The following GABRB1 variants were observed in gnomAD, a reference collection of about 807,000 sequenced individuals.
The protein encoded by GABRB1 is gamma-aminobutyric acid receptor subunit beta-1.
A neutral mutation model predicts 51.6 loss-of-function variants in GABRB1; 17 were observed. The ratio of observed to expected loss-of-function variants is 0.33; its 90% CI spans 0.23 to 0.49. GABRB1 has a LOEUF of 0.49. Among genes scored for constraint, GABRB1 ranks in the 20% least tolerant of loss-of-function variants. The pLI is 0.99. For missense variants in GABRB1, 410 were observed against 600.6 expected (o/e 0.68, Z 3.32); for synonymous variants, 247 against 218.9 (o/e 1.13, Z -1.14).
chr4:47,404,058 A>G (rs1728487327), intron 7 of GABRB1, among the ~76,000 whole-genome samples: 1 of 152,192 alleles, frequency 6.6e-6, no homozygotes, highest in South Asian at 2.1e-4. Context: ...AAGAACATAT[A>G]CAATGCACTA....
intron 1 of GABRB1, among the ~76,000 whole-genome samples, chr4:46,998,284 TA>T (rs995527832): frequency 1.5e-4 from 23 of 152,324 alleles, no homozygotes; most frequent in African/African-American, 2.4e-4. Flanking sequence ...GATTATTAAT[TA>T]TTTTTTTATA....
intron 3 of GABRB1, among the ~76,000 whole-genome samples, chr4:47,130,240 A>C (rs1216576097): frequency 6.6e-6 from 1 of 152,044 alleles, no homozygotes; most frequent in Non-Finnish European, 1.5e-5. Flanking sequence ...CACAAGATTT[A>C]AGCAGTCTTG....
chr4:47,171,576 TTATG>T (rs1479876736), intron 4 of GABRB1, among the ~76,000 whole-genome samples: 1 of 152,150 alleles, frequency 6.6e-6, no homozygotes, highest in African/African-American at 2.4e-5. Flanking sequence ...TGTTTATTAT[TTATG>T]TATGTATTGA....
At chr4:47,113,098 A>C (rs1235688979) in intron 3 of GABRB1, among the ~76,000 whole-genome samples, 1 of 152,070 alleles carries the variant, frequency 6.6e-6, no homozygotes, top group Non-Finnish European at 1.5e-5. Flanking sequence ...AAAATAAAAA[A>C]ATCAGGGCCG....
intron 4 of GABRB1, among the ~76,000 whole-genome samples, chr4:47,191,183 G>A (rs1333298145): frequency 6.6e-6 from 1 of 152,124 alleles, no homozygotes; most frequent in Non-Finnish European, 1.5e-5. Context: ...GTTTTAACAA[G>A]GCCAAGGAAG....
At chr4:47,353,806 C>T (rs1726452858) in intron 5 of GABRB1, among the ~76,000 whole-genome samples, 1 of 152,150 alleles carries the variant, frequency 6.6e-6, no homozygotes, top group African/African-American at 2.4e-5. Flanking sequence ...GAGTTCACAA[C>T]TCTTTTAGTT....
intron 4 of GABRB1, among the ~76,000 whole-genome samples, chr4:47,230,117 A>T (rs73247681): frequency 0.12 from 17,699 of 152,238 alleles, 1,277 homozygotes; most frequent in Non-Finnish European, 0.15. Flanking sequence ...TTGCTATAAA[A>T]ATAAACTTTA....
At chr4:47,009,535 A>G (rs751586844) in intron 1 of GABRB1, among the ~76,000 whole-genome samples, 7 of 152,214 alleles carry the variant, frequency 4.6e-5, no homozygotes, top group Non-Finnish European at 8.8e-5. Context: ...GAAGAAAAAA[A>G]TAGAACTTGA....
At chr4:47,146,609 G>A (rs1185427635) in intron 3 of GABRB1, among the ~76,000 whole-genome samples, 1 of 151,924 alleles carries the variant, frequency 6.6e-6, no homozygotes, top group Non-Finnish European at 1.5e-5. Context: ...CTCCGTGGAG[G>A]CATCTATCCA....
chr4:47,048,530 A>G (rs1726199392), intron 3 of GABRB1, among the ~76,000 whole-genome samples: 1 of 152,186 alleles, frequency 6.6e-6, no homozygotes, highest in South Asian at 2.1e-4. Flanking sequence ...TGATGCATTC[A>G]ATTCAAGTCT....
chr4:47,016,894 CA>C (rs1388917202), intron 1 of GABRB1, among the ~76,000 whole-genome samples: 1 of 152,068 alleles, frequency 6.6e-6, no homozygotes, highest in Non-Finnish European at 1.5e-5. Context: ...CTGGCCTGTG[CA>C]GACAATTTAG....
At chr4:47,354,870 A>ATCCCTAC (rs66998340) in intron 5 of GABRB1, among the ~76,000 whole-genome samples, 2 of 140,934 alleles carry the variant, frequency 1.4e-5, no homozygotes, top group African/African-American at 5.4e-5. Context: ...TTTTTTTTTT[A>ATCCCTAC]TACCCTGACC....
At chr4:47,071,235 A>G (rs1727322139) in intron 3 of GABRB1, among the ~76,000 whole-genome samples, 1 of 152,196 alleles carries the variant, frequency 6.6e-6, no homozygotes, top group African/African-American at 2.4e-5. Context: ...GAATGATAGC[A>G]AAAGCTTCTG....
intron 1 of GABRB1, among the ~76,000 whole-genome samples, chr4:47,010,927 T>A (rs1333715760): frequency 6.6e-6 from 1 of 152,278 alleles, no homozygotes; most frequent in South Asian, 2.1e-4. Context: ...TATTAATAAC[T>A]CACACAGTGG....
chr4:47,090,469 A>C (rs951313151), intron 3 of GABRB1, among the ~76,000 whole-genome samples: 7 of 152,220 alleles, frequency 4.6e-5, no homozygotes, highest in Non-Finnish European at 7.3e-5. Context: ...CACTGCAATG[A>C]GATCTCCTCA....
chr4:47,033,190 T>C (rs1398567212), intron 3 of GABRB1, among the ~76,000 whole-genome samples: 3 of 152,182 alleles, frequency 2.0e-5, no homozygotes, highest in African/African-American at 7.2e-5. Flanking sequence ...TAAGCATGCC[T>C]AAAAATCCTG....
intron 4 of GABRB1, among the ~76,000 whole-genome samples, chr4:47,169,108 A>G (rs1233842394): frequency 6.6e-6 from 1 of 152,162 alleles, no homozygotes; most frequent in African/African-American, 2.4e-5. Context: ...GGACTTCCAC[A>G]TATGAATTTG....
intron 1 of GABRB1, among the ~76,000 whole-genome samples, chr4:47,008,469 T>A (rs556279206): frequency 6.6e-6 from 1 of 151,664 alleles, no homozygotes; most frequent in African/African-American, 2.4e-5. Context: ...TTTTACTTTT[T>A]TTTTTTTTCT....
intron 5 of GABRB1, among the ~76,000 whole-genome samples, chr4:47,325,197 G>A (rs558716474): frequency 1.3e-5 from 2 of 152,300 alleles, no homozygotes; most frequent in East Asian, 1.9e-4. Context: ...AACACTTTGG[G>A]AGGCCGAGGC....
Sources: gnomAD v4.1 joint callset for allele counts (sites outside exome capture counted in the v4.1 genomes callset) on GRCh38, gnomAD v4.1.1 for gene constraint, MANE v1.5 for transcripts, NCBI Gene and HGNC (gene_info 2026-07-23, HGNC 2026-07-21) for gene names.